SDF4: variants seen among roughly 807,000 people sequenced by gnomAD.
SDF4 encodes the protein stromal cell derived factor 4.
In SDF4, 22 loss-of-function variants were observed where a neutral mutation model predicts 34.2. That is an observed-to-expected ratio of 0.64 (90% CI 0.46 to 0.92). The LOEUF is 0.92. SDF4 is among the 40% of genes least tolerant of loss of function. SDF4 has a pLI of 0.00. For missense variants in SDF4, 447 were observed against 499.9 expected (o/e 0.89, Z 1.01); for synonymous variants, 236 against 203.1 (o/e 1.16, Z -1.38).
At position 1,224,117 on chromosome 1, in the gene SDF4, G is replaced by T. The variant is rs540276333; in HGVS notation, c.306-149C>A. The stretch of plus-strand genomic sequence containing the variant: ...CCACCAGGCAACGCGAAAAGCGTCC[G>T]GGACGTGGGGCTTGTGGGGTGCCGG... On this transcript the variant is annotated intron_variant, in intron 2 of 6. Coordinates refer to ENST00000360001, the MANE Select transcript of SDF4 (RefSeq NM_016176.6). The T allele has an allele frequency of 5.6e-6, 8 of 1,434,378 alleles. No individual in the cohort carries two copies. The African/African-American group carries it at 9.9e-5, about 18-fold the overall frequency. The allele number at this position is 1,434,378 out of a possible 1,614,324, so 88.9% of individuals were successfully genotyped here. A position where few individuals can be genotyped will look rare whatever the true frequency, so the allele number is the denominator to read the frequency against.
chr1:1,225,565 C>T (rs1638278706), intron 2 of SDF4, among the ~76,000 whole-genome samples: 1 of 152,244 alleles, frequency 6.6e-6, no homozygotes, highest in Admixed American at 6.5e-5. Flanking sequence ...GCACCCTCAG[C>T]TCCACAGTCC....
In SDF4 at chr1:1,217,870, G is replaced by A. The variant is rs761070262; in HGVS notation, c.892-182C>T. 33 of 1,466,432 alleles carry A rather than the reference G, an allele frequency of 2.3e-5. No individual in the cohort carries two copies. Among genetic ancestry groups the A allele is most frequent in the South Asian group, 5.5e-5 (4 of 72,202 alleles). 90.8% of individuals were successfully genotyped at this position (1,466,432 alleles called of 1,614,324 possible). A position where few individuals can be genotyped will look rare whatever the true frequency, so the allele number is the denominator to read the frequency against. On this transcript the variant is annotated intron_variant, in intron 6 of 6. Coordinates refer to ENST00000360001, the MANE Select transcript of SDF4 (RefSeq NM_016176.6). The surrounding 1 kb of genome is among the most constrained non-coding windows in gnomAD (Gnocchi z 8.5). The stretch of plus-strand genomic sequence containing the variant: ...AGGGCAGGGAGAAGCCGGGGGCCCC[G>A]GAAGGCCTGCCCGGGGCCAGCAGGG...
chr1:1,217,734 A>C lies in SDF4; in HGVS notation c.892-46T>G, dbSNP rs750682351. 6.2e-7 allele frequency: 1 copy of C among 1,610,428 alleles called. No individual in the cohort carries two copies. Among genetic ancestry groups the C allele is most frequent in the Non-Finnish European group, 8.5e-7 (1 of 1,178,806 alleles). On this transcript the variant is annotated intron_variant, in intron 6 of 6. Transcript: ENST00000360001. The surrounding 1 kb of genome is among the most constrained non-coding windows in gnomAD (Gnocchi z 8.5). ...GGTCAGCGTCGCCTTTCCCCCTCCGAGCTCCGCGGCCAGCCGCACGAAGTG... is the reference window on the plus strand; with the variant it reads ...GGTCAGCGTCGCCTTTCCCCCTCCGCGCTCCGCGGCCAGCCGCACGAAGTG...
rs1008137140 is a variant in SDF4 at position 1,219,298 on chromosome 1, G to A, written c.557-371C>T. The A allele has an allele frequency of 6.9e-6, 8 of 1,153,338 alleles. No individual in the cohort carries two copies. The African/African-American group carries it at 1.1e-4, about 16-fold the overall frequency. The allele number at this position is 1,153,338 out of a possible 1,614,324, so 71.4% of individuals were successfully genotyped here. ...GGACATGGCCTGGACCCCCCACACA[G>A]CCCAGACCTCTCAAGACATGATCCA... On this transcript the variant is annotated intron_variant, in intron 4 of 6. Coordinates refer to ENST00000360001, the MANE Select transcript of SDF4 (RefSeq NM_016176.6).
At chr1:1,226,785 T>C (rs1638323494) in intron 2 of SDF4, among the ~76,000 whole-genome samples, 1 of 152,178 alleles carries the variant, frequency 6.6e-6, no homozygotes, top group Non-Finnish European at 1.5e-5. Context: ...CCGGTCCAGC[T>C]GGAGACGCAC....
intron 4 of SDF4, among the ~76,000 whole-genome samples, chr1:1,221,663 AAAAG>A (rs1649969266): frequency 6.6e-6 from 1 of 152,188 alleles, no homozygotes; most frequent in African/African-American, 2.4e-5. Flanking sequence ...AAAAATTAAA[AAAAG>A]AAAGAGGCTA....
intron 4 of SDF4, chr1:1,220,563 G>A (rs964384607): frequency 3.0e-5 from 38 of 1,268,464 alleles, no homozygotes; most frequent in Admixed American, 1.9e-4. Context: ...CCCTGAGGTC[G>A]GGGAGGCCAA....
At chr1:1,223,066 C>A in intron 4 of SDF4, 178 bp downstream of exon 4, 1 of 609,886 alleles carries the variant, frequency 1.6e-6, no homozygotes, top group Non-Finnish European at 3.0e-6. Context: ...AACATGCACA[C>A]ACGTACTCAC....
At chr1:1,219,872 C>T (rs781392709) in intron 4 of SDF4, 84 of 985,866 alleles carry the variant, frequency 8.5e-5, no homozygotes, top group Middle Eastern at 5.2e-4. Context: ...GCCTCTGCGT[C>T]GCGCTCACTG....
chr1:1,229,042 G>A, intron 1 of SDF4, 96 bp from the exon 2 acceptor site: 1 of 539,928 alleles, frequency 1.9e-6, no homozygotes, highest in Non-Finnish European at 3.3e-6. Flanking sequence ...CGATTCACAG[G>A]ATCCAGACAT....
At position 1,228,620 on chromosome 1, in the gene SDF4, G is replaced by T; in HGVS notation, c.153C>A (p.Pro51=). Residue 51 remains proline (P), a synonymous_variant, in exon 2 of 7, where the codon CCC becomes CCA. Transcript: ENST00000360001. ...VANREENEIL[P]PDHLNGVKLE... ...GCTTCACCCCGTTCAGGTGGTCTGG[G>T]GGCAGGATCTCATTCTCCTCCCTGT... 1 of 1,613,280 alleles carries T rather than the reference G, an allele frequency of 6.2e-7. No individual in the cohort carries two copies. Among genetic ancestry groups the T allele is most frequent in the Non-Finnish European group, 8.5e-7 (1 of 1,180,032 alleles).
In SDF4 at chr1:1,218,954, C is replaced by A. The variant is rs761818670; in HGVS notation, c.557-27G>T. The A allele has an allele frequency of 2.9e-5, 47 of 1,611,530 alleles. No homozygotes were observed. Among genetic ancestry groups the A allele is most frequent in the Non-Finnish European group, 4.0e-5 (47 of 1,179,360 alleles). On this transcript the variant is annotated intron_variant, in intron 4 of 6. Transcript: ENST00000360001. This position sits in a 1 kb window ranked among gnomAD's most constrained non-coding sequence, Gnocchi z 7.9. The stretch of plus-strand genomic sequence containing the variant: ...TGAGAGGGGCGCAGCCTGTGGGTAT[C>A]GAGGCCGACAGACGCCAGCACGCAA...
chr1:1,228,870 C>T lies in SDF4; in HGVS notation c.-98G>A. The stretch of plus-strand genomic sequence containing the variant: ...CAGAGGAGGAAGTGAGGTCCTGGCT[C>T]CAATCCAATCCCCGGGCACCACGGA... On this transcript the variant is annotated 5_prime_UTR_variant, in exon 2 of 7. Coordinates refer to ENST00000360001, the MANE Select transcript of SDF4 (RefSeq NM_016176.6). 1.8e-6 allele frequency: 2 copies of T among 1,142,014 alleles called. No individual in the cohort carries two copies. Among genetic ancestry groups the T allele is most frequent in the Non-Finnish European group, 1.2e-6 (1 of 817,078 alleles). 70.7% of individuals were successfully genotyped at this position (1,142,014 alleles called of 1,614,324 possible). A position where few individuals can be genotyped will look rare whatever the true frequency, so the allele number is the denominator to read the frequency against.
chr1:1,223,681 G>A (rs143570035), intron 3 of SDF4, 151 bp downstream of exon 3: 23 of 762,572 alleles, frequency 3.0e-5, no homozygotes, highest in Non-Finnish European at 4.4e-5. Context: ...CCCAGCTTCC[G>A]TGCACCCCAC....
At position 1,218,364 on chromosome 1, in the gene SDF4, G is replaced by T; in HGVS notation, c.891+94C>A. The T allele has an allele frequency of 7.2e-7, 1 of 1,380,690 alleles. No individual in the cohort carries two copies. Among genetic ancestry groups the T allele is most frequent in the Non-Finnish European group, 9.8e-7 (1 of 1,015,508 alleles). 85.5% of individuals were successfully genotyped at this position (1,380,690 alleles called of 1,614,324 possible). ...AGATGGAGTCTCAGGCCAGACACCA[G>T]CACAGCTTCCTGCCTCAGGCCCAGA... On this transcript the variant is annotated intron_variant, in intron 6 of 6. Transcript: ENST00000360001. The surrounding 1 kb of genome is among the most constrained non-coding windows in gnomAD (Gnocchi z 7.9).
At chr1:1,222,186 CCCAAA>C (rs1387343023) in intron 4 of SDF4, among the ~76,000 whole-genome samples, 1 of 152,230 alleles carries the variant, frequency 6.6e-6, no homozygotes, top group Admixed American at 6.5e-5. Flanking sequence ...TCCTCAAAGC[CCCAAA>C]CCAGACCACG....
intron 4 of SDF4, chr1:1,220,560 G>A: frequency 7.9e-7 from 1 of 1,266,756 alleles, no homozygotes; most frequent in South Asian, 1.3e-5. Flanking sequence ...GCACCCTGAG[G>A]TCGGGGAGGC....
In SDF4 at chr1:1,217,359, G is replaced by A. The variant is rs929941860; in HGVS notation, c.*153C>T. ...CCGCCGGGGTGCGCGCTGCAGAGGG[G>A]ACACGCCGCTCATCAACTGGGGCAG... On this transcript the variant is annotated 3_prime_UTR_variant, in exon 7 of 7. Transcript: ENST00000360001. The surrounding 1 kb of genome is among the most constrained non-coding windows in gnomAD (Gnocchi z 8.5). 4 of 531,334 alleles carry A rather than the reference G, an allele frequency of 7.5e-6. No individual in the cohort carries two copies. Among genetic ancestry groups the A allele is most frequent in the Non-Finnish European group, 1.1e-5 (4 of 361,954 alleles). The allele number at this position is 531,334 out of a possible 1,614,324, so 32.9% of individuals were successfully genotyped here.
chr1:1,220,819 C>G, intron 4 of SDF4: 2 of 1,185,872 alleles, frequency 1.7e-6, no homozygotes, highest in Non-Finnish European at 1.1e-6. Context: ...GCCTCCTGCC[C>G]CAAGCACATC....
Sources: gnomAD v4.1 joint callset for allele counts (sites outside exome capture counted in the v4.1 genomes callset) on GRCh38, gnomAD v4.1.1 for gene constraint, Gnocchi (gnomAD v3.1) non-coding constraint, MANE v1.5 for transcripts, NCBI Gene and HGNC (gene_info 2026-07-23, HGNC 2026-07-21) for gene names.